Variants in GABPB2 observed in about 807,000 individuals in gnomAD.
The protein encoded by GABPB2 is GA-binding protein subunit beta-2.
GABPB2 carries 23 observed loss-of-function variants against 39.1 expected under a neutral mutation model. The ratio of observed to expected loss-of-function variants is 0.59; its 90% CI spans 0.42 to 0.83. The LOEUF (loss-of-function observed/expected upper bound fraction) is 0.83, where lower values mean the gene tolerates loss of function less well. GABPB2 is among the 40% of genes least tolerant of loss of function. GABPB2 has a pLI of 0.00. For synonymous variants in GABPB2, 184 were observed against 199.3 expected, an observed-to-expected ratio of 0.92 and a Z score of 0.65; for missense variants, 467 against 541.1, an observed-to-expected ratio of 0.86 and a Z score of 1.36.
chr1:151,088,574 A>C, intron 2 of GABPB2: 1 of 628,004 alleles, frequency 1.6e-6, no homozygotes, highest in Non-Finnish European at 2.5e-6. Context: ...TAAAGGTTTA[A>C]CTGTCTCTGG....
intron 1 of GABPB2, among the ~76,000 whole-genome samples, chr1:151,081,152 C>A (rs61819200): frequency 6.6e-6 from 1 of 151,174 alleles, no homozygotes; most frequent in Non-Finnish European, 1.5e-5. Flanking sequence ...GGATTACAGG[C>A]ATGAGCCACC....
At chr1:151,087,724 C>T (rs1440373344) in intron 1 of GABPB2, among the ~76,000 whole-genome samples, 1 of 152,094 alleles carries the variant, frequency 6.6e-6, no homozygotes, top group East Asian at 1.9e-4. Flanking sequence ...GACCTACAAA[C>T]CTCCAGAGAG....
intron 7 of GABPB2, among the ~76,000 whole-genome samples, chr1:151,111,183 T>TA (rs1189221097): frequency 1.3e-5 from 2 of 151,884 alleles, no homozygotes; most frequent in Non-Finnish European, 2.9e-5. Context: ...GATCATGACT[T>TA]ACGGCAGTCT....
intron 8 of GABPB2, 69 bp from the exon 9 acceptor site, chr1:151,117,888 T>G: frequency 2.7e-6 from 4 of 1,484,848 alleles, no homozygotes; most frequent in Non-Finnish European, 3.7e-6. Context: ...CTGGCCTGTC[T>G]TTTTGTCTAC....
chr1:151,114,369 A>T (rs983257347), intron 7 of GABPB2, among the ~76,000 whole-genome samples: 2 of 151,774 alleles, frequency 1.3e-5, no homozygotes, highest in African/African-American at 4.8e-5. Flanking sequence ...TAAATAAATA[A>T]AGCATTATGA....
intron 7 of GABPB2, among the ~76,000 whole-genome samples, chr1:151,109,120 G>A (rs975918551): frequency 2.6e-5 from 4 of 151,942 alleles, no homozygotes; most frequent in Admixed American, 1.3e-4. Context: ...GAGCCCAGGA[G>A]CTCAAGGTCG....
chr1:151,110,869 A>T (rs587699881), intron 7 of GABPB2, among the ~76,000 whole-genome samples: 1 of 152,354 alleles, frequency 6.6e-6, no homozygotes, highest in South Asian at 2.1e-4. Context: ...TCTACTCAAC[A>T]TATATCTAAG....
chr1:151,082,289 C>G (rs1430336926), intron 1 of GABPB2, among the ~76,000 whole-genome samples: 1 of 149,426 alleles, frequency 6.7e-6, no homozygotes, highest in Non-Finnish European at 1.5e-5. Flanking sequence ...GTTGGCCAGG[C>G]TGGTCTCAAA....
At chr1:151,097,633 G>T (rs976470852) in intron 4 of GABPB2, among the ~76,000 whole-genome samples, 12 of 152,086 alleles carry the variant, frequency 7.9e-5, no homozygotes, top group Admixed American at 5.9e-4. Flanking sequence ...CAAAAAATTA[G>T]CTGGGCGTGG....
At chr1:151,102,586 G>A (rs777824514) in intron 5 of GABPB2, among the ~76,000 whole-genome samples, 1 of 151,948 alleles carries the variant, frequency 6.6e-6, no homozygotes, top group Non-Finnish European at 1.5e-5. Flanking sequence ...GGGATTATAG[G>A]TGCCCACCAC....
At chr1:151,113,090 T>A (rs1680591164) in intron 7 of GABPB2, among the ~76,000 whole-genome samples, 1 of 151,942 alleles carries the variant, frequency 6.6e-6, no homozygotes, top group Non-Finnish European at 1.5e-5. Context: ...AATTTTTTTT[T>A]TTAATAGAAA....
intron 1 of GABPB2, among the ~76,000 whole-genome samples, chr1:151,071,943 G>A (rs1160374096): frequency 6.6e-6 from 1 of 152,218 alleles, no homozygotes; most frequent in Non-Finnish European, 1.5e-5. Flanking sequence ...TTTCCCAAAA[G>A]GGCTTTCTCT....
intron 1 of GABPB2, among the ~76,000 whole-genome samples, chr1:151,082,190 C>T (rs149989281): frequency 0.011 from 1,619 of 150,430 alleles, 43 homozygotes; most frequent in African/African-American, 0.038. Context: ...GATTCTTCTG[C>T]CTCAGCCTCC....
intron 1 of GABPB2, among the ~76,000 whole-genome samples, 197 bp downstream of exon 1, chr1:151,071,131 G>A (rs1403142296): frequency 6.6e-6 from 1 of 152,096 alleles, no homozygotes; most frequent in African/African-American, 2.4e-5. Flanking sequence ...GAAGGGGAGG[G>A]GACTGGAAGG....
intron 7 of GABPB2, among the ~76,000 whole-genome samples, chr1:151,116,664 G>A (rs1472172577): frequency 6.6e-6 from 1 of 152,068 alleles, no homozygotes; most frequent in Non-Finnish European, 1.5e-5. Context: ...CTGGAGTGCA[G>A]TCGCGAGTTC....
At chr1:151,089,675 A>G (rs1467159051) in intron 2 of GABPB2, among the ~76,000 whole-genome samples, 1 of 151,910 alleles carries the variant, frequency 6.6e-6, no homozygotes, top group African/African-American at 2.4e-5. Flanking sequence ...ATTTATTATG[A>G]GATAAGGTCT....
chr1:151,117,605 A>T, intron 8 of GABPB2, 89 bp downstream of exon 8: 1 of 1,421,066 alleles, frequency 7.0e-7, no homozygotes, highest in Non-Finnish European at 9.6e-7. Context: ...TCTTTTTGAG[A>T]CGGAGTCTTG....
Position 151,103,660 on chromosome 1 carries a change from T to G in GABPB2, c.721T>G (p.Ser241Ala), listed in dbSNP as rs763408581. 6.2e-7 allele frequency: 1 copy of G among 1,612,570 alleles called. No homozygotes were observed. Among genetic ancestry groups the G allele is most frequent in the South Asian group, 1.1e-5 (1 of 91,046 alleles). Residue 241 changes from serine (S) to alanine (A), a missense_variant, in exon 6 of 9, where the codon TCA becomes GCA. Transcript: ENST00000368918. ...TGAGGCATCAGTCCCCCTCTCCAACTCACACAGAGCCACAGGTAGGTAAGG... is the reference window on the plus strand; with the variant it reads ...TGAGGCATCAGTCCCCCTCTCCAACGCACACAGAGCCACAGGTAGGTAAGG... ...LAEASVPLSN[S>A]HRATANTEEI... is the part of the protein sequence containing the mutation.
At position 151,119,782 on chromosome 1, in the gene GABPB2, G is replaced by A. The variant is rs1173115935; in HGVS notation, c.*1526G>A. ...CAAAAATACAAAAAATTAGCCGGGC[G>A]TGGTGGCACCTGCCTGTAATCCCAG... On this transcript the variant is annotated 3_prime_UTR_variant, in exon 9 of 9. Coordinates refer to ENST00000368918, the MANE Select transcript of GABPB2 (RefSeq NM_144618.3). 7.2e-5 allele frequency: 11 copies of A among 152,122 alleles called. No homozygotes were observed. The highest frequency in any genetic ancestry group is 1.9e-4 in the East Asian group (1 of 5,188). 9.4% of individuals were successfully genotyped at this position (152,122 alleles called of 1,614,324 possible). A position where few individuals can be genotyped will look rare whatever the true frequency, so the allele number is the denominator to read the frequency against.
Sources: gnomAD v4.1 joint callset for allele counts (sites outside exome capture counted in the v4.1 genomes callset) on GRCh38, gnomAD v4.1.1 for gene constraint, MANE v1.5 for transcripts, NCBI Gene and HGNC (gene_info 2026-07-23, HGNC 2026-07-21) for gene names.